Variants in SEMA5A observed in about 807,000 individuals in gnomAD.
SEMA5A encodes semaphorin 5A, also known as semaphorin-5A.
A neutral mutation model predicts 135.5 loss-of-function variants in SEMA5A; 55 were observed. The observed-to-expected ratio is 0.41, with a 90% CI of 0.33 to 0.51. The LOEUF is 0.51. SEMA5A is among the 20% of genes least tolerant of loss of function. The probability of loss-of-function intolerance (pLI) is 0.37; values close to 1 mark genes in which losing one functional copy is unlikely to be tolerated. For synonymous variants in SEMA5A, 580 were observed against 546.5 expected (o/e 1.06, Z -0.85); for missense variants, 1,290 against 1,419.9 (o/e 0.91, Z 1.47).
intron 15 of SEMA5A, among the ~76,000 whole-genome samples, chr5:9,115,914 C>T (rs1254020046): frequency 6.6e-6 from 1 of 152,148 alleles, no homozygotes; most frequent in African/African-American, 2.4e-5. Flanking sequence ...GTTTGTAATG[C>T]CCATCTTGCA....
At chr5:9,255,308 C>A (rs1167657828) in intron 5 of SEMA5A, among the ~76,000 whole-genome samples, 1 of 152,192 alleles carries the variant, frequency 6.6e-6, no homozygotes, top group Non-Finnish European at 1.5e-5. Context: ...AATCATCCAT[C>A]TGCATTTGTC....
chr5:9,114,211 A>G (rs1002122056), intron 15 of SEMA5A, among the ~76,000 whole-genome samples: 1 of 152,206 alleles, frequency 6.6e-6, no homozygotes, highest in Non-Finnish European at 1.5e-5. Flanking sequence ...AATGGCAACT[A>G]CTGTAGGATT....
chr5:9,061,666 T>C (rs1475187343), intron 18 of SEMA5A, among the ~76,000 whole-genome samples: 1 of 152,090 alleles, frequency 6.6e-6, no homozygotes, highest in Non-Finnish European at 1.5e-5. Flanking sequence ...TTTCAGGCAT[T>C]GTCAGAGCAA....
intron 10 of SEMA5A, among the ~76,000 whole-genome samples, chr5:9,194,227 G>C (rs911319483): frequency 4.6e-5 from 7 of 152,204 alleles, no homozygotes; most frequent in Admixed American, 2.6e-4. Context: ...GCACCGCCTA[G>C]AGTGGTTTAT....
chr5:9,218,223 TA>T (rs1207374749), intron 8 of SEMA5A, among the ~76,000 whole-genome samples: 1 of 152,172 alleles, frequency 6.6e-6, no homozygotes, highest in African/African-American at 2.4e-5. Context: ...AAATATTTTT[TA>T]AAAAAAGAGA....
At chr5:9,364,285 G>A (rs758346595) in intron 3 of SEMA5A, among the ~76,000 whole-genome samples, 17 of 151,428 alleles carry the variant, frequency 1.1e-4, no homozygotes, top group Middle Eastern at 3.4e-3. Flanking sequence ...CTTTGAGAGT[G>A]AAGAACTATA....
At chr5:9,281,838 T>TC (rs1750559419) in intron 5 of SEMA5A, among the ~76,000 whole-genome samples, 1 of 150,956 alleles carries the variant, frequency 6.6e-6, no homozygotes, top group Admixed American at 6.6e-5. Flanking sequence ...TTTTTTTTTT[T>TC]TTTTGAGACA....
intron 16 of SEMA5A, among the ~76,000 whole-genome samples, chr5:9,091,845 A>G (rs1250765395): frequency 1.3e-5 from 2 of 152,166 alleles, no homozygotes; most frequent in Admixed American, 1.3e-4. Flanking sequence ...TGGCATCACC[A>G]TTTGTATGAC....
chr5:9,437,227 C>A (rs1758064792), intron 2 of SEMA5A, among the ~76,000 whole-genome samples: 1 of 152,186 alleles, frequency 6.6e-6, no homozygotes, highest in South Asian at 2.1e-4. Context: ...AGCATCTAAG[C>A]CTTTTCACGT....
intron 16 of SEMA5A, among the ~76,000 whole-genome samples, chr5:9,072,866 A>T (rs1204019581): frequency 3.3e-5 from 5 of 152,224 alleles, no homozygotes; most frequent in Non-Finnish European, 5.9e-5. Flanking sequence ...GGCCAAAAAC[A>T]TGACCCGTAA....
At chr5:9,153,700 G>A (rs898488194) in intron 12 of SEMA5A, among the ~76,000 whole-genome samples, 7 of 152,026 alleles carry the variant, frequency 4.6e-5, no homozygotes, top group Non-Finnish European at 7.4e-5. Context: ...AGCTGTGGTC[G>A]AGAAGGACGT....
chr5:9,248,346 G>T (rs1281400113), intron 5 of SEMA5A, among the ~76,000 whole-genome samples: 2 of 151,922 alleles, frequency 1.3e-5, no homozygotes, highest in African/African-American at 4.8e-5. Context: ...GATTAGCCAG[G>T]GTTGGCAACT....
chr5:9,467,144 G>A (rs1002320219), intron 1 of SEMA5A, among the ~76,000 whole-genome samples: 7 of 151,926 alleles, frequency 4.6e-5, no homozygotes, highest in South Asian at 4.2e-4. Flanking sequence ...ACGGAGTCTC[G>A]CTCTGTTGCC....
chr5:9,400,448 TA>T (rs148078550), intron 2 of SEMA5A, among the ~76,000 whole-genome samples: 5,712 of 147,840 alleles, frequency 0.039, 190 homozygotes, highest in African/African-American at 0.08. Context: ...TCTGAAGATC[TA>T]AAAAAAAATG....
intron 3 of SEMA5A, among the ~76,000 whole-genome samples, chr5:9,351,086 C>T (rs1197083421): frequency 6.6e-6 from 1 of 152,212 alleles, no homozygotes; most frequent in Non-Finnish European, 1.5e-5. Flanking sequence ...CACTGTCTCA[C>T]TTTATCAGGG....
chr5:9,049,793 G>A (rs1256261190), intron 21 of SEMA5A, among the ~76,000 whole-genome samples: 1 of 152,152 alleles, frequency 6.6e-6, no homozygotes, highest in African/African-American at 2.4e-5. Context: ...GTATATGTAA[G>A]GCACAGACTG....
chr5:9,313,010 C>T (rs543064435), intron 5 of SEMA5A, among the ~76,000 whole-genome samples: 65 of 152,192 alleles, frequency 4.3e-4, no homozygotes, highest in African/African-American at 1.3e-3. Flanking sequence ...GTGGTGTCCC[C>T]GTGCTCCTAC....
intron 1 of SEMA5A, among the ~76,000 whole-genome samples, chr5:9,540,433 CAA>C (rs11398489): frequency 1.4e-5 from 2 of 144,610 alleles, no homozygotes; most frequent in African/African-American, 5.1e-5. Context: ...ACTAAAAATT[CAA>C]AAAAAAAAAA....
chr5:9,072,201 G>C (rs1025389255), intron 16 of SEMA5A, among the ~76,000 whole-genome samples: 6 of 152,162 alleles, frequency 3.9e-5, no homozygotes, highest in African/African-American at 1.4e-4. Context: ...AGTGATCACT[G>C]AGTAATGGGA....
Sources: gnomAD v4.1 joint callset for allele counts (sites outside exome capture counted in the v4.1 genomes callset) on GRCh38, gnomAD v4.1.1 for gene constraint, MANE v1.5 for transcripts, NCBI Gene and HGNC (gene_info 2026-07-23, HGNC 2026-07-21) for gene names.